Variants in KLHDC2 observed in about 807,000 individuals in gnomAD.
KLHDC2 encodes kelch domain-containing protein 2.
Under a neutral mutation model 62.3 loss-of-function variants are expected in KLHDC2, and 38 were observed. The ratio of observed to expected loss-of-function variants is 0.61; its 90% confidence interval spans 0.47 to 0.80. The LOEUF (loss-of-function observed/expected upper bound fraction) is 0.80, where lower values mean the gene tolerates loss of function less well. Among genes scored for constraint, KLHDC2 ranks in the 30% least tolerant of loss-of-function variants. The pLI, the probability that KLHDC2 is intolerant of heterozygous loss-of-function variation, is 0.00. For missense variants in KLHDC2, 430 were observed against 495.3 expected (o/e 0.87, Z 1.25); for synonymous variants, 159 against 161.0 (o/e 0.99, Z 0.09).
In KLHDC2 at chr14:49,784,910, G is replaced by A. The variant is rs761828531; in HGVS notation, c.*1957G>A. On this transcript the variant is annotated 3_prime_UTR_variant, in exon 13 of 13. Coordinates refer to ENST00000298307, the MANE Select transcript of KLHDC2 (RefSeq NM_014315.3). The stretch of plus-strand genomic sequence containing the variant: ...CTGTCAGTCTCCACATTCCTTTTCT[G>A]AAGGAGAACTTTACCTTTACGCTGC... 1 of 1,606,024 alleles carries A rather than the reference G, an allele frequency of 6.2e-7. No individual in the cohort carries two copies. Among genetic ancestry groups the A allele is most frequent in the Admixed American group, 1.7e-5 (1 of 59,716 alleles).
chr14:49,768,166 T>G lies in KLHDC2; in HGVS notation c.-303T>G, dbSNP rs6572608. The G allele has an allele frequency of 1, 222,923 of 223,534 alleles. 111,162 individuals carry two copies. Among genetic ancestry groups the G allele is most frequent in the Middle Eastern group, 1 (674 of 674 alleles). The allele number at this position is 223,534 out of a possible 1,614,324, so 13.8% of individuals were successfully genotyped here. A position where few individuals can be genotyped will look rare whatever the true frequency, so the allele number is the denominator to read the frequency against. On this transcript the variant is annotated 5_prime_UTR_variant, in exon 1 of 13. Coordinates refer to ENST00000298307, the MANE Select transcript of KLHDC2 (RefSeq NM_014315.3). ...AGGAGGCGGGGCAGACGGGCTGCAA[T>G]AGGGAGCCGGCCCGACGCGGACCGC...
chr14:49,770,050 G>C (rs4243563), intron 1 of KLHDC2, among the ~76,000 whole-genome samples: 150,626 of 152,078 alleles, frequency 0.99, 74,610 homozygotes, highest in East Asian at 1. Context: ...ACCTGTCAAT[G>C]ACACTTCTAA....
chr14:49,784,029 T>C lies in KLHDC2; in HGVS notation c.*1076T>C, dbSNP rs1333292394. The C allele has an allele frequency of 6.6e-6, 1 of 152,008 alleles. No homozygotes were observed. Among genetic ancestry groups the C allele is most frequent in the Admixed American group, 6.6e-5 (1 of 15,256 alleles). The allele number at this position is 152,008 out of a possible 1,614,324, so 9.4% of individuals were successfully genotyped here. On this transcript the variant is annotated 3_prime_UTR_variant, in exon 13 of 13. Transcript: ENST00000298307. ...AGTTTAAGCAATCAAGCCACTTCAC[T>C]GTTCAGTTTCTTTACATCATGAAAT... is the stretch of plus-strand genomic sequence containing the variant.
intron 1 of KLHDC2, among the ~76,000 whole-genome samples, chr14:49,769,948 C>A (rs563554192): frequency 2.7e-5 from 3 of 111,270 alleles, no homozygotes; most frequent in Non-Finnish European, 4.9e-5. Flanking sequence ...CTCAAAAATA[C>A]TTTAGAAAGG....
chr14:49,780,104 A>G lies in KLHDC2; in HGVS notation c.774-109A>G, dbSNP rs959263612. 4.1e-6 allele frequency: 3 copies of G among 732,260 alleles called. No homozygotes were observed. In the African/African-American group the frequency reaches 5.4e-5, roughly 13 times the overall value. 45.4% of individuals were successfully genotyped at this position (732,260 alleles called of 1,614,324 possible). ...AGTTTATACCAAGAAGCCTTTTTAA[A>G]CTTAAGGTCTCTTTTTTCATAACAT... On this transcript the variant is annotated intron_variant, in intron 8 of 12. Coordinates refer to ENST00000298307, the MANE Select transcript of KLHDC2 (RefSeq NM_014315.3).
Position 49,784,962 on chromosome 14 carries a change from G to C in KLHDC2, c.*2009G>C, listed in dbSNP as rs533718357. The C allele has an allele frequency of 1.2e-6, 2 of 1,613,792 alleles. No individual in the cohort carries two copies. Among genetic ancestry groups the C allele is most frequent in the East Asian group, 4.5e-5 (2 of 44,850 alleles). On this transcript the variant is annotated 3_prime_UTR_variant, in exon 13 of 13. Coordinates refer to ENST00000298307, the MANE Select transcript of KLHDC2 (RefSeq NM_014315.3). ...GAATAAGTCTTTTTCTCTTGCTGTTGCTTCTTTGGAATGCATGAAACTATT... is the reference window on the plus strand; with the variant it reads ...GAATAAGTCTTTTTCTCTTGCTGTTCCTTCTTTGGAATGCATGAAACTATT...
At position 49,785,180 on chromosome 14, in the gene KLHDC2, C is replaced by T. The variant is rs752139469; in HGVS notation, c.*2227C>T. 5 of 1,603,586 alleles carry T rather than the reference C, an allele frequency of 3.1e-6. No individual in the cohort carries two copies. The highest frequency in any genetic ancestry group is 4.3e-6 in the Non-Finnish European group (5 of 1,170,658). On this transcript the variant is annotated 3_prime_UTR_variant, in exon 13 of 13. Transcript: ENST00000298307. ...GTGTTACTAAATAGACGTTACAAAA[C>T]AATTCACAAAAGCCATTCTGTCAAC...
At chr14:49,775,461 TAACTC>T (rs2139794516) in intron 3 of KLHDC2, among the ~76,000 whole-genome samples, 1 of 152,238 alleles carries the variant, frequency 6.6e-6, no homozygotes, top group South Asian at 2.1e-4. Context: ...ATATAGAAAA[TAACTC>T]AGTAAGTATT....
At chr14:49,772,483 C>T (rs1889684272) in intron 2 of KLHDC2, among the ~76,000 whole-genome samples, 1 of 152,196 alleles carries the variant, frequency 6.6e-6, no homozygotes, top group Non-Finnish European at 1.5e-5. Flanking sequence ...TGATCTTTTG[C>T]AGTTTCATAA....
chr14:49,780,798 C>G, intron 10 of KLHDC2, 23 bp downstream of exon 10: 1 of 1,195,654 alleles, frequency 8.4e-7, no homozygotes, highest in Non-Finnish European at 1.3e-6. Context: ...AATTCATATA[C>G]TGAATATGCA....
chr14:49,780,364 AT>A, intron 9 of KLHDC2, 42 bp downstream of exon 9: 1 of 1,224,002 alleles, frequency 8.2e-7, no homozygotes, highest in Admixed American at 1.7e-5. Flanking sequence ...ATCATATATC[AT>A]CCATATCTAA....
intron 8 of KLHDC2, 40 bp downstream of exon 8, chr14:49,779,846 T>C (rs1280389859): frequency 7.0e-7 from 1 of 1,434,428 alleles, no homozygotes; most frequent in South Asian, 1.1e-5. Context: ...AAATTCAGAT[T>C]GTTTTTACCC....
intron 1 of KLHDC2, 87 bp downstream of exon 1, chr14:49,768,708 C>T (rs1889596740): frequency 7.9e-7 from 1 of 1,273,654 alleles, no homozygotes. Flanking sequence ...CAGAGCGGGC[C>T]GCCGAGGGCG....
intron 1 of KLHDC2, among the ~76,000 whole-genome samples, chr14:49,769,740 C>T (rs1380900134): frequency 2.2e-5 from 1 of 44,806 alleles, no homozygotes; most frequent in Non-Finnish European, 4.9e-5. Flanking sequence ...AGCTCGAGAC[C>T]AGCCTGGCCA....
At chr14:49,779,919 T>A in intron 8 of KLHDC2, 113 bp downstream of exon 8, 2 of 745,110 alleles carry the variant, frequency 2.7e-6, no homozygotes, top group Non-Finnish European at 4.5e-6. Context: ...TGAAATTAAA[T>A]AAACATAATT....
At chr14:49,768,872 T>C in intron 1 of KLHDC2, 2 of 465,944 alleles carry the variant, frequency 4.3e-6, no homozygotes, top group South Asian at 3.2e-5. Flanking sequence ...GCCAACTCAC[T>C]CCCACCCCCG....
chr14:49,779,629 G>C lies in KLHDC2; in HGVS notation c.668G>C (p.Cys223Ser), dbSNP rs371576792. The change falls in exon 7 of 13, where the codon TGT becomes TCT. Residue 223 changes from cysteine (C) to serine (S), a missense_variant. By Grantham distance (112) the Cys-to-Ser change is moderately radical. Transcript: ENST00000298307. ...KAPSPRAAHACATVGNRGFVF... is the reference protein window; with the variant it reads ...KAPSPRAAHASATVGNRGFVF... ...CCTTCACCTCGTGCTGCCCATGCCT[G>C]TGCAACTGTCGGAAATAGAGGCTTC... is the stretch of plus-strand genomic sequence containing the variant. The C allele has an allele frequency of 3.1e-6, 5 of 1,614,050 alleles. No individual in the cohort carries two copies. The highest frequency in any genetic ancestry group is 4.2e-6 in the Non-Finnish European group (5 of 1,180,032).
chr14:49,780,152 A>G, intron 8 of KLHDC2, 61 bp from the exon 9 acceptor site: 1 of 1,100,268 alleles, frequency 9.1e-7, no homozygotes, highest in Non-Finnish European at 1.4e-6. Context: ...TTTAAAAGAA[A>G]ACTTAAAAAT....
At chr14:49,781,369 C>CAAAA (rs1555343492) in intron 10 of KLHDC2, among the ~76,000 whole-genome samples, 9 of 124,672 alleles carry the variant, frequency 7.2e-5, no homozygotes, top group East Asian at 2.3e-4. Context: ...AACTCTGTCT[C>CAAAA]AAAAAAAAAA....
Sources: allele counts gnomAD v4.1 joint callset (sites outside exome capture counted in the v4.1 genomes callset), GRCh38; gene constraint gnomAD v4.1.1; transcripts MANE v1.5; gene names NCBI Gene and HGNC (gene_info 2026-07-23, HGNC 2026-07-21).